Variants in NPAS3 observed in about 807,000 individuals in gnomAD.
NPAS3 encodes the protein neuronal PAS domain protein 3, also known as neuronal PAS domain-containing protein 3.
Under a neutral mutation model 73.1 loss-of-function variants are expected in NPAS3, and 14 were observed. The observed-to-expected ratio is 0.19, with a 90% confidence interval of 0.13 to 0.30. The LOEUF (loss-of-function observed/expected upper bound fraction) is 0.30. NPAS3 is among the 10% of genes least tolerant of loss of function. NPAS3 has a pLI of 1.00. For missense variants in NPAS3, 1,096 were observed against 1,250.0 expected (o/e 0.88, Z 1.86); for synonymous variants, 620 against 541.5 (o/e 1.14, Z -2.01).
At chr14:33,291,112 T>C (rs2042081824) in intron 3 of NPAS3, among the ~76,000 whole-genome samples, 1 of 152,080 alleles carries the variant, frequency 6.6e-6, no homozygotes, top group South Asian at 2.1e-4. Flanking sequence ...CCATTTTGAA[T>C]TGTAGGTTCA....
At chr14:33,408,307 C>T (rs2047757842) in intron 4 of NPAS3, among the ~76,000 whole-genome samples, 1 of 152,122 alleles carries the variant, frequency 6.6e-6, no homozygotes, top group Non-Finnish European at 1.5e-5. Flanking sequence ...TTGGTTAAGA[C>T]AAGATGAGAA....
chr14:33,796,829 C>G (rs2063526074), intron 10 of NPAS3, among the ~76,000 whole-genome samples: 1 of 152,182 alleles, frequency 6.6e-6, no homozygotes, highest in Non-Finnish European at 1.5e-5. Flanking sequence ...CTGGGACTCT[C>G]CCCACTGCAA....
chr14:32,958,122 A>G lies in NPAS3; in HGVS notation c.50+18756A>G, dbSNP rs189847972. 2.9e-4 allele frequency among the ~76,000 whole-genome samples: 44 copies of G among 152,208 alleles called. No homozygotes were observed. The East Asian group carries it at 8.1e-3, about 28-fold the overall frequency. ...TTGGGCCTTTCCATTTTTAATTGCC[A>G]CCTAAAGATTTATTTCTCTTTTTAT... is the stretch of plus-strand genomic sequence containing the variant. On this transcript the variant is annotated intron_variant, in intron 1 of 11. Transcript: ENST00000356141.
chr14:33,323,095 A>T (rs2043531494), intron 3 of NPAS3, among the ~76,000 whole-genome samples: 1 of 152,152 alleles, frequency 6.6e-6, no homozygotes, highest in South Asian at 2.1e-4. Context: ...TTACAGTAGC[A>T]CCTGGCACAT....
chr14:33,683,734 G>C (rs1055989334), intron 6 of NPAS3, among the ~76,000 whole-genome samples: 5 of 152,184 alleles, frequency 3.3e-5, no homozygotes, highest in African/African-American at 1.2e-4. Context: ...ATTTACTCAT[G>C]ATTGCTTGGG....
intron 4 of NPAS3, among the ~76,000 whole-genome samples, chr14:33,464,288 G>A (rs1313474408): frequency 1.3e-5 from 2 of 152,130 alleles, no homozygotes; most frequent in Admixed American, 6.5e-5. Context: ...GTGTATGAAA[G>A]GTTCATTATT....
At chr14:33,672,701 GAAAAAAA>G (rs3059410) in intron 5 of NPAS3, among the ~76,000 whole-genome samples, 1 of 145,044 alleles carries the variant, frequency 6.9e-6, no homozygotes, top group Non-Finnish European at 1.5e-5. Flanking sequence ...CCATAAGAGA[GAAAAAAA>G]AAAAAAAATC....
At chr14:32,964,810 TA>T (rs1200576535) in intron 1 of NPAS3, among the ~76,000 whole-genome samples, 1 of 120,668 alleles carries the variant, frequency 8.3e-6, no homozygotes, top group Non-Finnish European at 1.7e-5. Context: ...CCCCTGTCTC[TA>T]CAAAAAAAAA....
intron 2 of NPAS3, among the ~76,000 whole-genome samples, chr14:33,113,075 T>C (rs940058226): frequency 6.6e-6 from 1 of 152,164 alleles, no homozygotes; most frequent in African/African-American, 2.4e-5. Context: ...TGTAGCCTTG[T>C]AGTATAGTTT....
At chr14:32,948,212 G>C (rs777605389) in intron 1 of NPAS3, among the ~76,000 whole-genome samples, 4 of 152,182 alleles carry the variant, frequency 2.6e-5, no homozygotes, top group Non-Finnish European at 4.4e-5. Flanking sequence ...TTAATTTCTT[G>C]AATGCTGTTT....
chr14:33,042,799 CT>C (rs1176078499), intron 1 of NPAS3, among the ~76,000 whole-genome samples: 1 of 152,070 alleles, frequency 6.6e-6, no homozygotes, highest in Non-Finnish European at 1.5e-5. Context: ...TAAGAAAAGC[CT>C]TTTATTCACA....
chr14:33,162,847 CG>C (rs1368785329), intron 2 of NPAS3, among the ~76,000 whole-genome samples: 2 of 152,132 alleles, frequency 1.3e-5, no homozygotes, highest in African/African-American at 4.8e-5. Flanking sequence ...CAGACATCAT[CG>C]GATGTTGGTT....
chr14:33,141,781 A>G (rs1040532098), intron 2 of NPAS3, among the ~76,000 whole-genome samples: 5 of 152,156 alleles, frequency 3.3e-5, no homozygotes, highest in Non-Finnish European at 5.9e-5. Flanking sequence ...TGAGATTGTG[A>G]TATGAGAATA....
chr14:33,167,738 A>G (rs527997350), intron 2 of NPAS3, among the ~76,000 whole-genome samples: 3 of 152,362 alleles, frequency 2.0e-5, no homozygotes, highest in African/African-American at 7.2e-5. Flanking sequence ...ACCATGCCAC[A>G]TAATAATAAG....
intron 4 of NPAS3, among the ~76,000 whole-genome samples, chr14:33,525,834 C>T (rs1305436891): frequency 2.0e-5 from 3 of 152,110 alleles, no homozygotes; most frequent in East Asian, 3.9e-4. Flanking sequence ...GATCAGGAAC[C>T]GGGAAACGTC....
At chr14:33,449,446 A>T (rs1296297583) in intron 4 of NPAS3, among the ~76,000 whole-genome samples, 1 of 152,168 alleles carries the variant, frequency 6.6e-6, no homozygotes. Context: ...GCAACGGAGG[A>T]TGTATGCCCT....
At chr14:32,999,206 G>A (rs1364149527) in intron 1 of NPAS3, among the ~76,000 whole-genome samples, 1 of 152,176 alleles carries the variant, frequency 6.6e-6, no homozygotes, top group African/African-American at 2.4e-5. Flanking sequence ...AATTAGATGG[G>A]TATTATTATA....
chr14:33,046,589 G>A (rs2040514111), intron 1 of NPAS3, among the ~76,000 whole-genome samples: 1 of 152,178 alleles, frequency 6.6e-6, no homozygotes, highest in African/African-American at 2.4e-5. Flanking sequence ...AGTGGAAGGT[G>A]ATGGAAGGGA....
In NPAS3 at chr14:33,548,785, A is replaced by G. The variant is rs117025725; in HGVS notation, c.469-11336A>G. ...CTGCTTAGGAAAAAGCAGAATGACA[A>G]GGTCTGCCCTTTGTTGGCTGAGATG... On this transcript the variant is annotated intron_variant, in intron 4 of 11. Coordinates refer to ENST00000356141, the Ensembl canonical transcript of NPAS3. Among the ~76,000 whole-genome samples the G allele has an allele frequency of 3.1e-3, 478 of 152,316 alleles. 4 individuals are homozygous for G. Among genetic ancestry groups the G allele is most frequent in the Admixed American group, 0.014 (218 of 15,298 alleles).
Sources: gnomAD v4.1 joint callset for allele counts (sites outside exome capture counted in the v4.1 genomes callset) on GRCh38, gnomAD v4.1.1 for gene constraint, MANE v1.5 for transcripts, NCBI Gene and HGNC (gene_info 2026-07-23, HGNC 2026-07-21) for gene names.